Variants in EMSY observed in about 807,000 individuals in gnomAD.
EMSY encodes BRCA2-interacting transcriptional repressor EMSY.
EMSY carries 26 observed loss-of-function variants against 134.6 expected under a neutral mutation model. That is an observed-to-expected ratio of 0.19 (90% CI 0.14 to 0.27). EMSY has a LOEUF of 0.27. Among genes scored for constraint, EMSY ranks in the 10% least tolerant of loss-of-function variants. The pLI, the probability that EMSY is intolerant of heterozygous loss-of-function variation, is 1.00. For missense variants in EMSY, 1,305 were observed against 1,611.4 expected, an observed-to-expected ratio of 0.81 and a Z score of 3.26; for synonymous variants, 579 against 577.8, an observed-to-expected ratio of 1.00 and a Z score of -0.03.
chr11:76,507,865 C>A (rs1264099932), intron 9 of EMSY, among the ~76,000 whole-genome samples: 1 of 118,632 alleles, frequency 8.4e-6, no homozygotes, highest in Non-Finnish European at 1.9e-5. Flanking sequence ...TTTTCTTTTT[C>A]TTTTTTTTTT....
chr11:76,538,190 A>G (rs766740096), intron 16 of EMSY, among the ~76,000 whole-genome samples: 3 of 152,220 alleles, frequency 2.0e-5, no homozygotes, highest in Non-Finnish European at 4.4e-5. Flanking sequence ...AACAACTGTG[A>G]ATATACAGCA....
chr11:76,547,936 A>C (rs555792599), intron 20 of EMSY, among the ~76,000 whole-genome samples: 1 of 152,300 alleles, frequency 6.6e-6, no homozygotes, highest in South Asian at 2.1e-4. Context: ...AGTGATTAAC[A>C]ACCAAACTTT....
At chr11:76,536,449 T>G (rs1050250649) in intron 15 of EMSY, among the ~76,000 whole-genome samples, 1 of 152,230 alleles carries the variant, frequency 6.6e-6, no homozygotes, top group Non-Finnish European at 1.5e-5. Flanking sequence ...AGGAGGCAGA[T>G]TGAAGGGCCT....
intron 14 of EMSY, 52 bp downstream of exon 15, chr11:76,528,518 A>C: frequency 7.3e-7 from 1 of 1,363,566 alleles, no homozygotes; most frequent in East Asian, 2.3e-5. Flanking sequence ...CATAGTGCCC[A>C]AATTCTAAAA....
intron 8 of EMSY, among the ~76,000 whole-genome samples, chr11:76,478,099 A>G (rs952862276): frequency 1.3e-5 from 2 of 152,102 alleles, no homozygotes; most frequent in African/African-American, 2.4e-5. Flanking sequence ...CCCTGAATGC[A>G]GTTTCTGTTT....
chr11:76,524,086 A>G (rs1285358170), intron 12 of EMSY, among the ~76,000 whole-genome samples: 4 of 152,154 alleles, frequency 2.6e-5, no homozygotes, highest in African/African-American at 9.7e-5. Context: ...AGATTCATTT[A>G]TAGTTCTGAA....
At chr11:76,551,195 T>C (rs1320496485) in exon 21 of EMSY, 1 of 152,384 alleles carries the variant, frequency 6.6e-6, no homozygotes, top group African/African-American at 2.4e-5. Context: ...ACAGTTTGTT[T>C]AAGCAATATG....
At chr11:76,545,728 C>T in intron 19 of EMSY, 69 bp from the exon 21 acceptor site, 1 of 1,493,348 alleles carries the variant, frequency 6.7e-7, no homozygotes, top group Non-Finnish European at 9.0e-7. Flanking sequence ...GCCATATTGT[C>T]TGGGGTGTTT....
chr11:76,535,495 A>G (rs1951190041), intron 14 of EMSY, among the ~76,000 whole-genome samples: 1 of 152,170 alleles, frequency 6.6e-6, no homozygotes, highest in Non-Finnish European at 1.5e-5. Flanking sequence ...ATACACAAAC[A>G]TGCACTCACC....
At chr11:76,500,801 G>A (rs1393689937) in intron 9 of EMSY, among the ~76,000 whole-genome samples, 1 of 152,204 alleles carries the variant, frequency 6.6e-6, no homozygotes, top group Admixed American at 6.5e-5. Flanking sequence ...AGCATGGGCT[G>A]GAGAGGGAAT....
At chr11:76,498,141 G>T (rs562795640) in intron 9 of EMSY, among the ~76,000 whole-genome samples, 1 of 152,094 alleles carries the variant, frequency 6.6e-6, no homozygotes, top group South Asian at 2.1e-4. Context: ...TTGTTTGTTT[G>T]TTTTGCTATT....
intron 7 of EMSY, among the ~76,000 whole-genome samples, chr11:76,466,064 G>T (rs2135227057): frequency 6.6e-6 from 1 of 152,270 alleles, no homozygotes; most frequent in Middle Eastern, 3.4e-3. Flanking sequence ...CACCATTCAT[G>T]ATATATATAC....
At position 76,464,187 on chromosome 11, in the gene EMSY, G is replaced by A. The variant is rs369257622; in HGVS notation, c.831+107G>A. 1.3e-4 allele frequency: 167 copies of A among 1,312,982 alleles called. 2 individuals are homozygous for A. In the South Asian group the frequency reaches 2.2e-3, roughly 18 times the overall value. 81.3% of individuals were successfully genotyped at this position (1,312,982 alleles called of 1,614,324 possible). On this transcript the variant is annotated intron_variant, in intron 7 of 20. Coordinates refer to ENST00000334736, the Ensembl canonical transcript of EMSY. ...CTTACTATGTGCTTGGCATTATGCT[G>A]GGGATGTTCACATCTTTTACTTTGT...
chr11:76,468,773 C>T (rs150575231), intron 7 of EMSY, among the ~76,000 whole-genome samples: 37 of 152,226 alleles, frequency 2.4e-4, no homozygotes, highest in Middle Eastern at 6.8e-3. Flanking sequence ...AACATTGATG[C>T]AGCACTTATA....
intron 16 of EMSY, among the ~76,000 whole-genome samples, chr11:76,538,389 A>G (rs374029412): frequency 1.3e-5 from 2 of 152,214 alleles, no homozygotes; most frequent in South Asian, 2.1e-4. Flanking sequence ...CCTCCTGAGT[A>G]GCTGGGACTA....
chr11:76,528,538 C>T lies in EMSY; in HGVS notation c.2194+72C>T, dbSNP rs971794580. 5.4e-6 allele frequency: 6 copies of T among 1,113,464 alleles called. No individual in the cohort carries two copies. The Admixed American group carries it at 1.2e-4, about 22-fold the overall frequency. The allele number at this position is 1,113,464 out of a possible 1,614,324, so 69.0% of individuals were successfully genotyped here. On this transcript the variant is annotated intron_variant, in intron 14 of 20. Coordinates refer to ENST00000334736, the Ensembl canonical transcript of EMSY. ...TGCCCAAATTCTAAAATAGAGGTTGCTTCTACACATTTCACAACAAATTTG... is the reference window on the plus strand; with the variant it reads ...TGCCCAAATTCTAAAATAGAGGTTGTTTCTACACATTTCACAACAAATTTG...
At chr11:76,549,241 A>G (rs917518604) in intron 20 of EMSY, among the ~76,000 whole-genome samples, 2 of 152,184 alleles carry the variant, frequency 1.3e-5, no homozygotes, top group African/African-American at 4.8e-5. Flanking sequence ...CAAAAGCACT[A>G]ATGTACAAGT....
chr11:76,480,457 T>G (rs1948926534), intron 8 of EMSY, among the ~76,000 whole-genome samples: 1 of 152,228 alleles, frequency 6.6e-6, no homozygotes, highest in African/African-American at 2.4e-5. Context: ...TGGCAAGATT[T>G]TATTTCTTGA....
chr11:76,494,644 CCTTTCCCTTCCTTCCTTCCTTCCTT>C, intron 8 of EMSY, among the ~76,000 whole-genome samples: 1 of 146,744 alleles, frequency 6.8e-6, no homozygotes, highest in Non-Finnish European at 1.5e-5. Flanking sequence ...CCTCTCCTTT[CCTTTCCCTTCCTTCCTTCCTTCCTT>C]CCTTCCTTCC....
Sources: gnomAD v4.1 joint callset for allele counts (sites outside exome capture counted in the v4.1 genomes callset) on GRCh38, gnomAD v4.1.1 for gene constraint, MANE v1.5 for transcripts, NCBI Gene and HGNC (gene_info 2026-07-23, HGNC 2026-07-21) for gene names.